Variants in MSI2 observed in about 807,000 individuals in gnomAD.
MSI2 encodes RNA-binding protein Musashi homolog 2.
A neutral mutation model predicts 45.6 loss-of-function variants in MSI2; 17 were observed. The ratio of observed to expected loss-of-function variants is 0.37; its 90% CI spans 0.26 to 0.56. The LOEUF (loss-of-function observed/expected upper bound fraction) is 0.56, where lower values mean the gene tolerates loss of function less well. Among genes scored for constraint, MSI2 ranks in the 20% least tolerant of loss-of-function variants. The probability of loss-of-function intolerance (pLI) is 0.77; values close to 1 mark genes in which losing one functional copy is unlikely to be tolerated. For synonymous variants in MSI2, 156 were observed against 158.2 expected (o/e 0.99, Z 0.11); for missense variants, 293 against 444.2 (o/e 0.66, Z 3.06).
rs536653875 is a variant in MSI2, at chr17:57,375,955, C to T, written c.313-25424C>T. Among the ~76,000 whole-genome samples the T allele has an allele frequency of 2.4e-4, 36 of 152,296 alleles. 1 individual carries two copies. In the South Asian group the frequency reaches 7.3e-3, roughly 31 times the overall value. ...AGCAGGCTGAGTCAGCCTGTCCCGC[C>T]TTTGAACTTGTGTGCAGCTGCTTGC... On this transcript the variant is annotated intron_variant, in intron 5 of 13. Coordinates refer to ENST00000284073, the MANE Select transcript of MSI2 (RefSeq NM_138962.4).
intron 6 of MSI2, among the ~76,000 whole-genome samples, chr17:57,424,140 A>G (rs926705881): frequency 6.6e-6 from 1 of 152,228 alleles, no homozygotes; most frequent in African/African-American, 2.4e-5. Flanking sequence ...GAATGTTCTC[A>G]GAGCTTGTTA....
At chr17:57,659,885 G>A (rs1295683936) in intron 11 of MSI2, among the ~76,000 whole-genome samples, 26 of 152,146 alleles carry the variant, frequency 1.7e-4, no homozygotes, top group Admixed American at 3.3e-4. Flanking sequence ...CGGGACATCT[G>A]CCATGGAGTT....
chr17:57,472,216 C>G (rs1253930102), intron 6 of MSI2, among the ~76,000 whole-genome samples: 1 of 152,212 alleles, frequency 6.6e-6, no homozygotes, highest in Non-Finnish European at 1.5e-5. Flanking sequence ...CAAAAGAAGG[C>G]TTCTAAAGTC....
intron 5 of MSI2, among the ~76,000 whole-genome samples, chr17:57,304,573 C>T (rs1374693448): frequency 1.3e-5 from 2 of 151,396 alleles, no homozygotes; most frequent in African/African-American, 2.4e-5. Flanking sequence ...TAGGCGCCTA[C>T]CAGCACGCCC....
At chr17:57,687,642 G>C (rs1290851839), downstream of MSI2, among the ~76,000 whole-genome samples, 5 of 152,006 alleles carry the variant, frequency 3.3e-5, no homozygotes, top group Non-Finnish European at 5.9e-5. Context: ...ATCCAAATGA[G>C]TTTTATCTAA....
At chr17:57,577,941 C>T (rs767292018) in intron 7 of MSI2, among the ~76,000 whole-genome samples, 2 of 152,152 alleles carry the variant, frequency 1.3e-5, no homozygotes, top group Non-Finnish European at 2.9e-5. Flanking sequence ...CCACACCACC[C>T]GCAAGCAAAG....
At chr17:57,554,812 T>C (rs1430920578) in intron 7 of MSI2, among the ~76,000 whole-genome samples, 1 of 152,266 alleles carries the variant, frequency 6.6e-6, no homozygotes, top group African/African-American at 2.4e-5. Flanking sequence ...CAGGTGTGGC[T>C]ATAAAGCCTG....
chr17:57,644,220 T>G lies in MSI2; in HGVS notation c.728-7879T>G, dbSNP rs570001226. Among the ~76,000 whole-genome samples the G allele has an allele frequency of 4.6e-5, 7 of 151,784 alleles. No homozygotes were observed. The South Asian group carries it at 1.2e-3, about 27-fold the overall frequency. ...AAGGACGCCAGGGTAAGTTGTTTTT[T>G]TTTTTTTTTTTTTCAAATGGAAATA... On this transcript the variant is annotated intron_variant, in intron 10 of 13. Coordinates refer to ENST00000284073, the MANE Select transcript of MSI2 (RefSeq NM_138962.4).
chr17:57,488,404 A>G (rs2085797768), intron 6 of MSI2, among the ~76,000 whole-genome samples: 1 of 152,150 alleles, frequency 6.6e-6, no homozygotes, highest in South Asian at 2.1e-4. Flanking sequence ...ATACATAGAC[A>G]TATTTAACCC....
At position 57,262,118 on chromosome 17, in the gene MSI2, T is replaced by C. The variant is rs771413443; in HGVS notation, c.271-33T>C. ...CATATATTTTTTCCTTAAAGTACTT[T>C]ATTGACTCCTGCTTTTCTATTTTTT... On this transcript the variant is annotated intron_variant, in intron 4 of 13. Transcript: ENST00000284073. 23 of 1,612,690 alleles carry C rather than the reference T, an allele frequency of 1.4e-5. No homozygotes were observed. The East Asian group carries it at 4.5e-4, about 31-fold the overall frequency.
intron 9 of MSI2, among the ~76,000 whole-genome samples, chr17:57,624,522 C>T (rs1348709159): frequency 2.6e-5 from 4 of 152,184 alleles, no homozygotes; most frequent in Non-Finnish European, 1.5e-5. Context: ...CTTTCTCCGT[C>T]GGGTTGCTGA....
At chr17:57,626,080 T>A (rs1484599599) in intron 9 of MSI2, 1 of 152,104 alleles carries the variant, frequency 6.6e-6, no homozygotes, top group Non-Finnish European at 1.5e-5. Flanking sequence ...CCTGAGGCCT[T>A]CTCAGCTTCT....
intron 5 of MSI2, among the ~76,000 whole-genome samples, chr17:57,365,248 T>C (rs1412095456): frequency 1.3e-5 from 2 of 152,230 alleles, no homozygotes; most frequent in African/African-American, 4.8e-5. Context: ...TTATATACCT[T>C]GCTTTGGGAC....
At chr17:57,434,806 C>T (rs2084662602) in intron 6 of MSI2, among the ~76,000 whole-genome samples, 1 of 151,670 alleles carries the variant, frequency 6.6e-6, no homozygotes, top group Non-Finnish European at 1.5e-5. Flanking sequence ...ATTTACCCAT[C>T]GATGGGCACT....
chr17:57,470,500 A>G (rs984093531), intron 6 of MSI2, among the ~76,000 whole-genome samples: 1 of 151,850 alleles, frequency 6.6e-6, no homozygotes, highest in African/African-American at 2.4e-5. Flanking sequence ...CTGGTCTCGA[A>G]CTCCTGACCT....
At chr17:57,657,143 T>C (rs1382035340) in intron 11 of MSI2, among the ~76,000 whole-genome samples, 1 of 152,166 alleles carries the variant, frequency 6.6e-6, no homozygotes, top group East Asian at 1.9e-4. Flanking sequence ...TGCGTAGAGA[T>C]AGAGCAAAAT....
rs372027795 is a variant in MSI2, at chr17:57,329,758, A to G, written c.312+67566A>G. 2.6e-4 allele frequency among the ~76,000 whole-genome samples: 39 copies of G among 152,342 alleles called. 4 individuals are homozygous for G. The highest frequency in any genetic ancestry group is 1.6e-3 in the Admixed American group (25 of 15,310). On this transcript the variant is annotated intron_variant, in intron 5 of 13. Coordinates refer to ENST00000284073, the MANE Select transcript of MSI2 (RefSeq NM_138962.4). ...TCTCAGCCAGCAGGCTGTTTAAAGTATAATCAAATCAGAACCCCTGTTTTC... is the reference window on the plus strand; with the variant it reads ...TCTCAGCCAGCAGGCTGTTTAAAGTGTAATCAAATCAGAACCCCTGTTTTC...
In MSI2 at chr17:57,570,217, A is replaced by C. The variant is rs185046440; in HGVS notation, c.455-26651A>C. 1.3e-3 allele frequency among the ~76,000 whole-genome samples: 201 copies of C among 152,334 alleles called. 5 individuals carry two copies. In the East Asian group the frequency reaches 0.033, roughly 25 times the overall value. On this transcript the variant is annotated intron_variant, in intron 7 of 13. Transcript: ENST00000284073. ...GAATCACCTGGGGAGCTCTTAGAGA[A>C]GACCAACTCCCAGGCCCCACCTCAG...
At chr17:57,310,108 T>C (rs974423455) in intron 5 of MSI2, among the ~76,000 whole-genome samples, 1 of 152,208 alleles carries the variant, frequency 6.6e-6, no homozygotes, top group East Asian at 1.9e-4. Flanking sequence ...GGTACTGTAT[T>C]CTCCCTCTTT....
Sources: allele counts gnomAD v4.1 joint callset (sites outside exome capture counted in the v4.1 genomes callset), GRCh38; gene constraint gnomAD v4.1.1; transcripts MANE v1.5; gene names NCBI Gene and HGNC (gene_info 2026-07-23, HGNC 2026-07-21).